The following SDCCAG8 variants were observed in gnomAD, a reference collection of about 807,000 sequenced individuals.
The protein encoded by SDCCAG8 is serologically defined colon cancer antigen 8.
SDCCAG8 carries 74 observed loss-of-function variants against 101.8 expected under a neutral mutation model. That is an observed-to-expected ratio of 0.73 (90% CI 0.60 to 0.88). The LOEUF is 0.88. SDCCAG8 is among the 40% of genes least tolerant of loss of function. The pLI is 0.00. For missense variants in SDCCAG8, 787 were observed against 822.6 expected (o/e 0.96, Z 0.53); for synonymous variants, 281 against 292.9 (o/e 0.96, Z 0.41).
chr1:243,289,927 T>C (rs2070055365), intron 5 of SDCCAG8, among the ~76,000 whole-genome samples: 1 of 152,054 alleles, frequency 6.6e-6, no homozygotes, highest in Non-Finnish European at 1.5e-5. Flanking sequence ...TTTCAACTTT[T>C]GGTCTAGTTT....
intron 2 of SDCCAG8, 144 bp from the exon 3 acceptor site, chr1:243,270,834 T>TTTTTTTTTTTTTTTTTTC: frequency 1.5e-6 from 1 of 656,894 alleles, no homozygotes; most frequent in Non-Finnish European, 2.8e-6. Context: ...TTTTTTTTTT[T>TTTTTTTTTTTTTTTTTTC]ATGTTGGTCT....
intron 8 of SDCCAG8, among the ~76,000 whole-genome samples, 170 bp from the exon 9 acceptor site, chr1:243,316,585 C>G (rs1378369741): frequency 6.6e-6 from 1 of 152,216 alleles, no homozygotes; most frequent in African/African-American, 2.4e-5. Flanking sequence ...CCGCCCGCCG[C>G]TCGCCAAGTG....
At chr1:243,358,255 C>T (rs1282931558) in intron 12 of SDCCAG8, among the ~76,000 whole-genome samples, 1 of 151,654 alleles carries the variant, frequency 6.6e-6, no homozygotes, top group Non-Finnish European at 1.5e-5. Context: ...TAAAAAGACT[C>T]CTCAATTTTT....
At position 243,488,882 on chromosome 1, in the gene SDCCAG8, G is replaced by A. The variant is rs527678213; in HGVS notation, c.1986-132G>A. On this transcript the variant is annotated intron_variant, in intron 16 of 17. Coordinates refer to ENST00000366541, the MANE Select transcript of SDCCAG8 (RefSeq NM_006642.5). The stretch of plus-strand genomic sequence containing the variant: ...AGGACCTAGTGCCAGCCAGAGCCTG[G>A]CACCTCAGGGTCACCCTAGGCGTCC... 1.1e-4 allele frequency: 136 copies of A among 1,274,340 alleles called. No homozygotes were observed. The African/African-American group carries it at 1.7e-3, about 16-fold the overall frequency. The allele number at this position is 1,274,340 out of a possible 1,614,324, so 78.9% of individuals were successfully genotyped here.
intron 12 of SDCCAG8, among the ~76,000 whole-genome samples, chr1:243,351,536 GTGA>G (rs2076082706): frequency 6.6e-6 from 1 of 152,216 alleles, no homozygotes; most frequent in Non-Finnish European, 1.5e-5. Context: ...TTCCATGTGT[GTGA>G]TGCAATAAAG....
At chr1:243,403,547 C>T (rs898731945) in intron 13 of SDCCAG8, among the ~76,000 whole-genome samples, 1 of 152,078 alleles carries the variant, frequency 6.6e-6, no homozygotes, top group African/African-American at 2.4e-5. Context: ...ATTTTTCATT[C>T]AAGAAAACTG....
intron 1 of SDCCAG8, chr1:243,267,568 C>T: frequency 2.1e-6 from 1 of 476,190 alleles, no homozygotes; most frequent in Non-Finnish European, 3.8e-6. Context: ...CGCCATCGCA[C>T]TCCAGCCTGG....
intron 1 of SDCCAG8, among the ~76,000 whole-genome samples, chr1:243,256,677 C>G (rs2066730188): frequency 6.6e-6 from 1 of 152,150 alleles, no homozygotes; most frequent in African/African-American, 2.4e-5. Context: ...CACAAGAGCC[C>G]CCTTTTAATT....
chr1:243,364,629 T>C (rs1178739061), intron 12 of SDCCAG8, among the ~76,000 whole-genome samples: 1 of 152,182 alleles, frequency 6.6e-6, no homozygotes, highest in Non-Finnish European at 1.5e-5. Context: ...TATGACTTCC[T>C]TTTCTCAGTT....
intron 4 of SDCCAG8, among the ~76,000 whole-genome samples, chr1:243,278,617 A>G (rs1223634798): frequency 1.3e-5 from 2 of 152,180 alleles, no homozygotes; most frequent in Non-Finnish European, 2.9e-5. Context: ...TTGTATATTG[A>G]CCTTGTATTC....
chr1:243,495,643 G>C (rs1316341433), intron 17 of SDCCAG8, among the ~76,000 whole-genome samples: 2 of 152,214 alleles, frequency 1.3e-5, no homozygotes, highest in Non-Finnish European at 2.9e-5. Flanking sequence ...GGCCGCAGGG[G>C]CCTGAGGGTG....
intron 1 of SDCCAG8, among the ~76,000 whole-genome samples, chr1:243,266,814 A>G (rs1280357531): frequency 6.8e-6 from 1 of 147,232 alleles, no homozygotes; most frequent in East Asian, 2.1e-4. Flanking sequence ...ACTGTGGCAC[A>G]TGCCTGCAAT....
chr1:243,464,651 A>T (rs1659776182), intron 16 of SDCCAG8, among the ~76,000 whole-genome samples: 1 of 152,272 alleles, frequency 6.6e-6, no homozygotes, highest in Non-Finnish European at 1.5e-5. Flanking sequence ...TCATCAGAAA[A>T]ATCTCAAGCC....
At chr1:243,362,057 G>C (rs60262191) in intron 12 of SDCCAG8, among the ~76,000 whole-genome samples, 10 of 111,186 alleles carry the variant, frequency 9.0e-5, no homozygotes, top group East Asian at 3.0e-4. Context: ...ATAGGTGGGT[G>C]AAGAGATGGC....
intron 5 of SDCCAG8, among the ~76,000 whole-genome samples, chr1:243,290,366 T>C (rs573872827): frequency 6.6e-6 from 1 of 152,350 alleles, no homozygotes; most frequent in Non-Finnish European, 1.5e-5. Flanking sequence ...AGCAATTCTT[T>C]CCAAAGAATG....
At chr1:243,372,956 A>C (rs1345340637) in intron 12 of SDCCAG8, among the ~76,000 whole-genome samples, 1 of 141,304 alleles carries the variant, frequency 7.1e-6, no homozygotes, top group East Asian at 2.1e-4. Flanking sequence ...ATATCTATCT[A>C]TATATATATC....
chr1:243,256,537 C>G (rs1366988171), intron 1 of SDCCAG8, among the ~76,000 whole-genome samples: 1 of 152,218 alleles, frequency 6.6e-6, no homozygotes, highest in African/African-American at 2.4e-5. Flanking sequence ...CATTTTTGTT[C>G]AGTTCCCATA....
chr1:243,373,510 T>G (rs1209835477), intron 12 of SDCCAG8, among the ~76,000 whole-genome samples: 1 of 152,212 alleles, frequency 6.6e-6, no homozygotes, highest in East Asian at 1.9e-4. Context: ...GTGTTTCTGC[T>G]TCAGGTCGTG....
intron 17 of SDCCAG8, among the ~76,000 whole-genome samples, chr1:243,495,846 G>A (rs904123515): frequency 2.6e-5 from 4 of 152,152 alleles, no homozygotes; most frequent in East Asian, 1.9e-4. Flanking sequence ...GCTTAATTCC[G>A]TAGATATCAA....
Sources: gnomAD v4.1 joint callset for allele counts (sites outside exome capture counted in the v4.1 genomes callset) on GRCh38, gnomAD v4.1.1 for gene constraint, MANE v1.5 for transcripts, NCBI Gene and HGNC (gene_info 2026-07-23, HGNC 2026-07-21) for gene names.